The following APBB1IP variants were observed in gnomAD, a reference collection of about 807,000 sequenced individuals.
APBB1IP encodes amyloid beta precursor protein binding family B member 1 interacting protein, also known as amyloid beta A4 precursor protein-binding family B member 1-interacting protein.
APBB1IP carries 27 observed loss-of-function variants against 64.9 expected under a neutral mutation model. The observed-to-expected ratio is 0.42, with a 90% confidence interval of 0.31 to 0.57. APBB1IP has a LOEUF of 0.57. APBB1IP is among the 20% of genes least tolerant of loss of function. The probability of loss-of-function intolerance (pLI) is 0.20; values close to 1 mark genes in which losing one functional copy is unlikely to be tolerated. For missense variants in APBB1IP, 812 were observed against 845.5 expected, an observed-to-expected ratio of 0.96 and a Z score of 0.49; for synonymous variants, 392 against 331.0, an observed-to-expected ratio of 1.18 and a Z score of -2.00.
rs370968159 is a variant in APBB1IP at position 26,526,599 on chromosome 10, G to A, written c.814-6840G>A. On this transcript the variant is annotated intron_variant, in intron 8 of 14. Coordinates refer to ENST00000376236, the MANE Select transcript of APBB1IP (RefSeq NM_019043.4). ...TCGTGCATGGCGGCGTGTGCCTGTA[G>A]TCCCAGCTACTCGGGAGGCTGAGGC... Among the ~76,000 whole-genome samples the A allele has an allele frequency of 5.2e-3, 786 of 151,830 alleles. 16 individuals are homozygous for A. Among genetic ancestry groups the A allele is most frequent in the South Asian group, 0.041 (191 of 4,680 alleles).
At chr10:26,439,787 A>G (rs544760809) in intron 2 of APBB1IP, among the ~76,000 whole-genome samples, 2 of 152,360 alleles carry the variant, frequency 1.3e-5, no homozygotes, top group Non-Finnish European at 2.9e-5. Context: ...TTCTGGTGGC[A>G]TAACGTGGTT....
At chr10:26,459,561 A>G (rs1239509239) in intron 2 of APBB1IP, among the ~76,000 whole-genome samples, 1 of 152,196 alleles carries the variant, frequency 6.6e-6, no homozygotes, top group Non-Finnish European at 1.5e-5. Context: ...CCAACAGTGT[A>G]AAAGTGTTCC....
intron 11 of APBB1IP, among the ~76,000 whole-genome samples, chr10:26,557,215 G>A (rs985325668): frequency 2.0e-5 from 3 of 152,106 alleles, no homozygotes; most frequent in South Asian, 2.1e-4. Context: ...GCATTGAACC[G>A]CCAAAACAGT....
intron 2 of APBB1IP, among the ~76,000 whole-genome samples, chr10:26,471,641 A>G (rs1835716734): frequency 6.6e-6 from 1 of 152,096 alleles, no homozygotes. Flanking sequence ...TTCCTTCCAA[A>G]CAGAGAGAGG....
intron 8 of APBB1IP, among the ~76,000 whole-genome samples, chr10:26,523,774 GC>G (rs1339328876): frequency 6.6e-6 from 1 of 151,746 alleles, no homozygotes; most frequent in Non-Finnish European, 1.5e-5. Context: ...TTCAACACCA[GC>G]CTGGAAACAC....
chr10:26,466,843 G>A (rs192634943), intron 2 of APBB1IP, among the ~76,000 whole-genome samples: 1 of 151,934 alleles, frequency 6.6e-6, no homozygotes, highest in Admixed American at 6.6e-5. Context: ...TACTGAAGTG[G>A]GAAGATTGCT....
intron 8 of APBB1IP, among the ~76,000 whole-genome samples, chr10:26,519,520 G>A (rs1470533041): frequency 2.0e-5 from 3 of 152,126 alleles, no homozygotes; most frequent in Non-Finnish European, 2.9e-5. Flanking sequence ...TCATGAGACA[G>A]CACTAAAGAC....
intron 6 of APBB1IP, among the ~76,000 whole-genome samples, chr10:26,507,272 C>A (rs893389478): frequency 1.3e-5 from 2 of 152,114 alleles, no homozygotes; most frequent in Non-Finnish European, 2.9e-5. Context: ...GCAGGAGGAT[C>A]GCCTGAGGTC....
intron 2 of APBB1IP, among the ~76,000 whole-genome samples, chr10:26,449,962 T>C (rs762905546): frequency 2.0e-5 from 3 of 151,938 alleles, no homozygotes; most frequent in African/African-American, 4.8e-5. Flanking sequence ...GCCATGATCG[T>C]GCCACTATAC....
At chr10:26,510,734 T>TAACA (rs1554776714) in intron 6 of APBB1IP, among the ~76,000 whole-genome samples, 9 of 135,892 alleles carry the variant, frequency 6.6e-5, no homozygotes, top group African/African-American at 2.2e-4. Context: ...AGACCCTGTC[T>TAACA]CACACACACA....
chr10:26,455,744 A>G (rs938407178), intron 2 of APBB1IP, among the ~76,000 whole-genome samples: 34 of 152,092 alleles, frequency 2.2e-4, no homozygotes, highest in African/African-American at 7.2e-4. Context: ...CAGTGTGTCA[A>G]TTCTTCAAAA....
chr10:26,539,416 A>AG lies in APBB1IP; in HGVS notation c.1045-2166_1045-2165insG, dbSNP rs1475586423. Among the ~76,000 whole-genome samples, 4 of 151,728 alleles carry AG rather than the reference A, an allele frequency of 2.6e-5. No homozygotes were observed. In the South Asian group the frequency reaches 6.3e-4, roughly 24 times the overall value. ...GACAATATGAGATCCTGAAAAAAAAAAAAAGAAGGAAAGAAAGAGAGAGAG... is the reference window on the plus strand; with the variant it reads ...GACAATATGAGATCCTGAAAAAAAAAGAAAAGAAGGAAAGAAAGAGAGAGAG... On this transcript the variant is annotated intron_variant, in intron 10 of 14. Transcript: ENST00000376236.
chr10:26,483,092 TAAAAAAAAA>T (rs35069320), intron 2 of APBB1IP, among the ~76,000 whole-genome samples: 1 of 67,140 alleles, frequency 1.5e-5, no homozygotes, highest in Non-Finnish European at 2.7e-5. Flanking sequence ...CTCCATCTGA[TAAAAAAAAA>T]AAAAAAAAAA....
At position 26,562,390 on chromosome 10, in the gene APBB1IP, T is replaced by C. The variant is rs1588621508; in HGVS notation, c.1434T>C (p.Ala478=). 1 of 1,614,072 alleles carries C rather than the reference T, an allele frequency of 6.2e-7. No individual in the cohort carries two copies. Among genetic ancestry groups the C allele is most frequent in the Non-Finnish European group, 8.5e-7 (1 of 1,179,944 alleles). The change falls in exon 14 of 15, where the codon GCT becomes GCC. Residue 478 remains alanine (A), a synonymous_variant. Coordinates refer to ENST00000376236, the MANE Select transcript of APBB1IP (RefSeq NM_019043.4). ...QIPQATHSVS[A]VLQEAQRHAE... ...CCCAGGCTACACATTCTGTCAGTGC[T>C]GTTCTCCAAGAGGCCCAGAGACATG...
At chr10:26,490,990 C>G (rs1835947926) in intron 2 of APBB1IP, among the ~76,000 whole-genome samples, 1 of 152,000 alleles carries the variant, frequency 6.6e-6, no homozygotes, top group Admixed American at 6.6e-5. Context: ...TTTGAAATGT[C>G]CTTAGAGGCT....
intron 6 of APBB1IP, among the ~76,000 whole-genome samples, chr10:26,506,263 T>TGGG (rs1836177600): frequency 3.8e-5 from 2 of 52,582 alleles, no homozygotes; most frequent in Admixed American, 2.0e-4. Context: ...GGGGGGGGGG[T>TGGG]GGGGGGCAAG....
intron 2 of APBB1IP, among the ~76,000 whole-genome samples, chr10:26,455,538 A>ATAG (rs1835514917): frequency 6.6e-6 from 1 of 151,770 alleles, no homozygotes; most frequent in East Asian, 1.9e-4. Context: ...AATAATAATA[A>ATAG]TAAGAAGAAA....
intron 11 of APBB1IP, among the ~76,000 whole-genome samples, chr10:26,544,675 C>T (rs1451606277): frequency 2.0e-5 from 3 of 152,094 alleles, no homozygotes; most frequent in Admixed American, 1.3e-4. Flanking sequence ...ACAAGAGGTT[C>T]CCAGCATGGG....
chr10:26,492,529 T>C (rs930416433), intron 3 of APBB1IP, 131 bp downstream of exon 3: 10 of 756,174 alleles, frequency 1.3e-5, no homozygotes, highest in Non-Finnish European at 2.1e-5. Context: ...TATTTCAATG[T>C]AGGTTCTTTT....
Sources: gnomAD v4.1 joint callset for allele counts (sites outside exome capture counted in the v4.1 genomes callset) on GRCh38, gnomAD v4.1.1 for gene constraint, MANE v1.5 for transcripts, NCBI Gene and HGNC (gene_info 2026-07-23, HGNC 2026-07-21) for gene names.